EFR3A: variants seen among roughly 807,000 people sequenced by gnomAD.
EFR3A encodes the protein EFR3 homolog A.
In EFR3A, 76 loss-of-function variants were observed where a neutral mutation model predicts 104.4. That is an observed-to-expected ratio of 0.73 (90% CI 0.60 to 0.88). The LOEUF (loss-of-function observed/expected upper bound fraction) is 0.88. Among genes scored for constraint, EFR3A ranks in the 40% least tolerant of loss-of-function variants. EFR3A has a pLI of 0.00. For missense variants in EFR3A, 985 were observed against 1,012.5 expected, an observed-to-expected ratio of 0.97 and a Z score of 0.37; for synonymous variants, 330 against 330.0, an observed-to-expected ratio of 1.00 and a Z score of 0.00.
intron 8 of EFR3A, among the ~76,000 whole-genome samples, chr8:131,967,648 C>A (rs1476995916): frequency 2.7e-5 from 4 of 150,110 alleles, no homozygotes; most frequent in African/African-American, 9.8e-5. Context: ...ATTTAGGCCC[C>A]AATATCATTC....
intron 22 of EFR3A, among the ~76,000 whole-genome samples, chr8:132,007,870 A>G (rs1170049526): frequency 1.3e-5 from 2 of 152,002 alleles, no homozygotes; most frequent in Non-Finnish European, 2.9e-5. Context: ...TTTTCAACAA[A>G]TGTCCTGGAA....
intron 5 of EFR3A, 70 bp from the exon 6 acceptor site, chr8:131,953,748 G>C: frequency 7.5e-7 from 1 of 1,332,290 alleles, no homozygotes; most frequent in Non-Finnish European, 1.0e-6. Flanking sequence ...CATTCTCTTA[G>C]CTACGCAAAC....
At position 131,984,936 on chromosome 8, in the gene EFR3A, C is replaced by T. The variant is rs1455677300; in HGVS notation, c.1745C>T (p.Ala582Val). ...GTTTGTTTCTTATTAAAGGACAGTG[C>T]AATTATCAATGAGGATAATTTGCCA... ...IRLAIALQDS[A>V]IINEDNLPMF... The change falls in exon 16 of 23, where the codon GCA becomes GTA. Residue 582 changes from alanine (A) to valine (V), a missense_variant. Ala to Val is a moderately conservative substitution (Grantham distance 64). Coordinates refer to ENST00000254624, the MANE Select transcript of EFR3A (RefSeq NM_015137.6). 1.9e-6 allele frequency: 3 copies of T among 1,612,950 alleles called. No individual in the cohort carries two copies. Among genetic ancestry groups the T allele is most frequent in the African/African-American group, 2.7e-5 (2 of 74,876 alleles).
intron 4 of EFR3A, among the ~76,000 whole-genome samples, chr8:131,947,527 C>A (rs1818499765): frequency 6.7e-6 from 1 of 148,998 alleles, no homozygotes; most frequent in African/African-American, 2.4e-5. Flanking sequence ...AAGTCCAGTT[C>A]CTTTTTTTTT....
At chr8:131,936,699 T>G (rs1817910036) in intron 1 of EFR3A, among the ~76,000 whole-genome samples, 1 of 152,072 alleles carries the variant, frequency 6.6e-6, no homozygotes, top group South Asian at 2.1e-4. Flanking sequence ...TTTACTTACA[T>G]TTACCAGTTT....
intron 1 of EFR3A, among the ~76,000 whole-genome samples, chr8:131,933,183 T>G (rs1361346623): frequency 1.3e-5 from 2 of 152,146 alleles, no homozygotes; most frequent in African/African-American, 4.8e-5. Context: ...GTTTCAGTTT[T>G]TATTTTTGCA....
At chr8:131,915,722 A>T (rs950380353) in intron 1 of EFR3A, among the ~76,000 whole-genome samples, 2 of 152,192 alleles carry the variant, frequency 1.3e-5, no homozygotes, top group African/African-American at 4.8e-5. Context: ...TCAAAGGAGA[A>T]ATGCTGGATT....
intron 14 of EFR3A, among the ~76,000 whole-genome samples, chr8:131,983,385 A>T (rs1265550758): frequency 2.0e-5 from 3 of 152,128 alleles, no homozygotes; most frequent in Non-Finnish European, 4.4e-5. Flanking sequence ...TTGTCCAGTG[A>T]TTCCAGCGGG....
intron 1 of EFR3A, among the ~76,000 whole-genome samples, chr8:131,931,097 AAAG>A (rs1025696924): frequency 5.9e-5 from 9 of 152,136 alleles, no homozygotes; most frequent in African/African-American, 1.7e-4. Flanking sequence ...TTATTTTTAG[AAAG>A]AAGAATTCTG....
intron 2 of EFR3A, among the ~76,000 whole-genome samples, chr8:131,941,196 A>G (rs953523936): frequency 6.6e-6 from 1 of 152,076 alleles, no homozygotes; most frequent in Non-Finnish European, 1.5e-5. Context: ...TTTTCTTTTT[A>G]CTTAAATACT....
intron 1 of EFR3A, among the ~76,000 whole-genome samples, chr8:131,930,288 C>T (rs924857467): frequency 4.6e-5 from 7 of 151,856 alleles, no homozygotes; most frequent in African/African-American, 9.7e-5. Context: ...TCCAGACTGA[C>T]GAGTAAAATA....
chr8:131,929,838 C>CA (rs1390058664), intron 1 of EFR3A, among the ~76,000 whole-genome samples: 2 of 152,126 alleles, frequency 1.3e-5, no homozygotes, highest in Non-Finnish European at 2.9e-5. Flanking sequence ...ATATAAGAGT[C>CA]AGTTTGAAGC....
chr8:131,940,835 A>G (rs1818136760), intron 2 of EFR3A, among the ~76,000 whole-genome samples: 1 of 152,132 alleles, frequency 6.6e-6, no homozygotes, highest in African/African-American at 2.4e-5. Flanking sequence ...TATAGTGTCT[A>G]AGTAACACTG....
chr8:132,002,739 G>A (rs772015271), intron 21 of EFR3A, 33 bp downstream of exon 21: 30 of 1,554,834 alleles, frequency 1.9e-5, no homozygotes, highest in African/African-American at 1.5e-4. Context: ...GCTTGTGGGT[G>A]GACTGTTGTT....
Position 131,978,881 on chromosome 8 carries a change from C to T in EFR3A, c.1361C>T (p.Thr454Ile). The T allele has an allele frequency of 6.2e-7, 1 of 1,609,542 alleles. No individual in the cohort carries two copies. Among genetic ancestry groups the T allele is most frequent in the Admixed American group, 1.7e-5 (1 of 59,400 alleles). Residue 454 changes from threonine to isoleucine, a missense_variant, in exon 13 of 23, where the codon ACT becomes ATT. Thr to Ile is a moderately conservative substitution (Grantham distance 89, BLOSUM62 -1). Transcript: ENST00000254624. ...GGATATAAAGCGAAGACGATTGTTA[C>T]TGCACTGCCAGGGTCTTTCCTGGAT... ...TSGYKAKTIVTALPGSFLDPL... is the reference protein window; with the variant it reads ...TSGYKAKTIVIALPGSFLDPL...
chr8:131,909,557 T>A (rs952376), intron 1 of EFR3A, among the ~76,000 whole-genome samples: 70,901 of 151,804 alleles, frequency 0.47, 17,264 homozygotes, highest in East Asian at 0.62. Context: ...AAAAGGAAAA[T>A]ATATATATAT....
At chr8:132,010,763 T>C in intron 22 of EFR3A, 27 bp from the exon 23 acceptor site, 7 of 1,609,102 alleles carry the variant, frequency 4.4e-6, no homozygotes, top group Non-Finnish European at 5.9e-6. Flanking sequence ...GTACACCTGC[T>C]GACAATGTAT....
chr8:131,914,858 G>A (rs971040232), intron 1 of EFR3A, among the ~76,000 whole-genome samples: 5 of 152,024 alleles, frequency 3.3e-5, no homozygotes, highest in African/African-American at 4.8e-5. Flanking sequence ...CTTTCTTGGC[G>A]TCCATGAGTT....
chr8:131,969,050 CA>C (rs1163470369), intron 9 of EFR3A, among the ~76,000 whole-genome samples: 7 of 152,224 alleles, frequency 4.6e-5, no homozygotes, highest in African/African-American at 1.7e-4. Context: ...AATAACAAGT[CA>C]GTGTCATTGT....
Sources: gnomAD v4.1 joint callset for allele counts (sites outside exome capture counted in the v4.1 genomes callset) on GRCh38, gnomAD v4.1.1 for gene constraint, MANE v1.5 for transcripts, NCBI Gene and HGNC (gene_info 2026-07-23, HGNC 2026-07-21) for gene names.